The following P4HA1 variants were observed in gnomAD, a reference collection of about 807,000 sequenced individuals.
P4HA1 encodes prolyl 4-hydroxylase subunit alpha 1, also known as prolyl 4-hydroxylase subunit alpha-1.
P4HA1 carries 24 observed loss-of-function variants against 72.8 expected under a neutral mutation model. The ratio of observed to expected loss-of-function variants is 0.33; its 90% CI spans 0.24 to 0.46. The LOEUF (loss-of-function observed/expected upper bound fraction) is 0.46. Among genes scored for constraint, P4HA1 ranks in the 20% least tolerant of loss-of-function variants. P4HA1 has a pLI of 1.00. For missense variants in P4HA1, 446 were observed against 640.6 expected, an observed-to-expected ratio of 0.70 and a Z score of 3.28; for synonymous variants, 201 against 218.8, an observed-to-expected ratio of 0.92 and a Z score of 0.72.
At chr10:73,062,731 T>C (rs1192117787) in intron 5 of P4HA1, among the ~76,000 whole-genome samples, 3 of 152,302 alleles carry the variant, frequency 2.0e-5, no homozygotes, top group South Asian at 2.1e-4. Context: ...TGGTCACATA[T>C]GTTTTTAAAA....
chr10:73,092,797 T>TA (rs1335570422), intron 1 of P4HA1, among the ~76,000 whole-genome samples: 2 of 152,058 alleles, frequency 1.3e-5, no homozygotes, highest in Non-Finnish European at 2.9e-5. Flanking sequence ...GCACTACTTA[T>TA]AATGGAGAAA....
intron 6 of P4HA1, among the ~76,000 whole-genome samples, chr10:73,052,128 T>C (rs1841035282): frequency 6.6e-6 from 1 of 151,708 alleles, no homozygotes. Flanking sequence ...TCAGAATTGC[T>C]AGTCATAATT....
intron 9 of P4HA1, among the ~76,000 whole-genome samples, chr10:73,032,923 A>G (rs1840469941): frequency 6.7e-6 from 1 of 148,436 alleles, no homozygotes; most frequent in Non-Finnish European, 1.5e-5. Flanking sequence ...ATATTACTAA[A>G]ATTATTTGCT....
chr10:73,089,939 T>A (rs1841995252), intron 1 of P4HA1, among the ~76,000 whole-genome samples: 2 of 152,116 alleles, frequency 1.3e-5, no homozygotes, highest in African/African-American at 4.8e-5. Flanking sequence ...AGGCTTTGGG[T>A]GAGTCTCCCA....
chr10:73,025,709 A>T (rs1840250270), intron 10 of P4HA1, among the ~76,000 whole-genome samples: 1 of 152,148 alleles, frequency 6.6e-6, no homozygotes, highest in Non-Finnish European at 1.5e-5. Context: ...TATATTTAGA[A>T]AACCCCATTG....
chr10:73,009,971 C>CTTT, intron 13 of P4HA1, 68 bp from the exon 14 acceptor site: 54 of 653,118 alleles, frequency 8.3e-5, no homozygotes, highest in Middle Eastern at 2.8e-4. Flanking sequence ...GTAGTTATTA[C>CTTT]TTTTTTTTTT....
At chr10:73,038,931 T>G (rs1208175268) in intron 9 of P4HA1, among the ~76,000 whole-genome samples, 1 of 152,124 alleles carries the variant, frequency 6.6e-6, no homozygotes, top group African/African-American at 2.4e-5. Context: ...CGGCCTTTAT[T>G]TGCTTTTTAA....
At chr10:73,074,258 T>C (rs1000814161) in intron 2 of P4HA1, among the ~76,000 whole-genome samples, 1 of 152,194 alleles carries the variant, frequency 6.6e-6, no homozygotes, top group East Asian at 1.9e-4. Context: ...TCAAATAATC[T>C]GTTATTTATA....
intron 10 of P4HA1, among the ~76,000 whole-genome samples, chr10:73,021,952 T>C (rs1027437992): frequency 1.3e-5 from 2 of 152,162 alleles, no homozygotes; most frequent in South Asian, 2.1e-4. Flanking sequence ...GTGTCCACCA[T>C]TGCTGAGGCT....
At position 73,073,785 on chromosome 10, in the gene P4HA1, G is replaced by A. The variant is rs1415224402; in HGVS notation, c.119C>T (p.Thr40Ile). Residue 40 changes from threonine to isoleucine, a missense_variant, in exon 3 of 15, where the codon ACT (threonine) becomes ATT (isoleucine). By Grantham distance (89) the Thr-to-Ile change is moderately conservative (BLOSUM62 -1). Coordinates refer to ENST00000394890, the MANE Select transcript of P4HA1 (RefSeq NM_001017962.3). ...DLIHTEKDLV[T>I]SLKDYIKAEE... ...TGCCTTAATATAATCTTTCAGAGAA[G>A]TCACCAGATCTTTCTCAGTATGGAT... is the stretch of plus-strand genomic sequence containing the variant. 11 of 1,593,448 alleles carry A rather than the reference G, an allele frequency of 6.9e-6. No homozygotes were observed. Among genetic ancestry groups the A allele is most frequent in the Admixed American group, 5.0e-5 (3 of 59,976 alleles).
chr10:73,044,083 G>A, intron 9 of P4HA1: 1 of 533,410 alleles, frequency 1.9e-6, no homozygotes. Context: ...GGTGGGTAAT[G>A]GTCTCGAATC....
chr10:73,036,198 A>T (rs1006041630), intron 9 of P4HA1, among the ~76,000 whole-genome samples: 1 of 151,960 alleles, frequency 6.6e-6, no homozygotes, highest in Non-Finnish European at 1.5e-5. Flanking sequence ...AAAAAAAAAA[A>T]AAAAAATCTT....
intron 9 of P4HA1, among the ~76,000 whole-genome samples, chr10:73,041,983 C>G (rs1840746571): frequency 6.6e-6 from 1 of 151,840 alleles, no homozygotes; most frequent in Non-Finnish European, 1.5e-5. Context: ...GTAACTGGGT[C>G]TACAGGTACA....
chr10:73,024,145 A>G (rs894986815), intron 10 of P4HA1, among the ~76,000 whole-genome samples: 8 of 152,216 alleles, frequency 5.3e-5, no homozygotes, highest in Admixed American at 6.5e-5. Context: ...CCATTATAAT[A>G]GACATCTACA....
chr10:73,022,930 AGAC>A (rs2133048916), intron 10 of P4HA1, among the ~76,000 whole-genome samples: 1 of 152,354 alleles, frequency 6.6e-6, no homozygotes, highest in East Asian at 1.9e-4. Context: ...TAAAGCAAGA[AGAC>A]AAGTTTAGAG....
intron 5 of P4HA1, among the ~76,000 whole-genome samples, chr10:73,068,094 T>A (rs1841469604): frequency 6.6e-6 from 1 of 152,238 alleles, no homozygotes; most frequent in Non-Finnish European, 1.5e-5. Context: ...GGAATTATAT[T>A]CCAGCTTAAC....
chr10:73,029,474 T>A (rs1425886537), intron 10 of P4HA1, among the ~76,000 whole-genome samples: 5 of 151,862 alleles, frequency 3.3e-5, no homozygotes, highest in Non-Finnish European at 7.4e-5. Flanking sequence ...GCATTGGTTT[T>A]TTTAGTGCAC....
chr10:73,013,548 A>G lies in P4HA1; in HGVS notation c.1368+676T>C, dbSNP rs560049739. On this transcript the variant is annotated intron_variant, in intron 12 of 14. Coordinates refer to ENST00000394890, the MANE Select transcript of P4HA1 (RefSeq NM_001017962.3). ...CCATGAGTTGAGCCCAGTCAACCTC[A>G]TAACTGTTAGAGATACATTAAGAAA... 3.3e-4 allele frequency among the ~76,000 whole-genome samples: 51 copies of G among 152,360 alleles called. 1 individual carries two copies. Among genetic ancestry groups the G allele is most frequent in the African/African-American group, 1.2e-3 (49 of 41,592 alleles).
chr10:73,078,973 A>C (rs1474669671), intron 1 of P4HA1, among the ~76,000 whole-genome samples: 1 of 152,112 alleles, frequency 6.6e-6, no homozygotes, highest in African/African-American at 2.4e-5. Context: ...TTATAGTGAC[A>C]AAAAAATTAA....
Sources: gnomAD v4.1 joint callset for allele counts (sites outside exome capture counted in the v4.1 genomes callset) on GRCh38, gnomAD v4.1.1 for gene constraint, MANE v1.5 for transcripts, NCBI Gene and HGNC (gene_info 2026-07-23, HGNC 2026-07-21) for gene names.